ASTN2: variants seen among roughly 807,000 people sequenced by gnomAD.
ASTN2 encodes the protein astrotactin 2.
Under a neutral mutation model 139.8 loss-of-function variants are expected in ASTN2, and 54 were observed. The ratio of observed to expected loss-of-function variants is 0.39; its 90% CI spans 0.31 to 0.48. ASTN2 has a LOEUF of 0.48. Ranked by LOEUF, ASTN2 falls within the 20% of genes least tolerant of loss-of-function variation. The pLI is 0.95. For synonymous variants in ASTN2, 756 were observed against 719.5 expected (o/e 1.05, Z -0.81); for missense variants, 1,565 against 1,725.1 (o/e 0.91, Z 1.64).
Position 117,166,526 on chromosome 9 carries a change from G to A in ASTN2, c.1016-25048C>T, listed in dbSNP as rs1339829082. 1.1e-4 allele frequency among the ~76,000 whole-genome samples: 16 copies of A among 152,096 alleles called. 1 individual carries two copies. The highest frequency in any genetic ancestry group is 1.0e-3 in the Admixed American group (16 of 15,262). On this transcript the variant is annotated intron_variant, in intron 3 of 22. Transcript: ENST00000313400. ...TATAACAGCCTCTTCATCACTTGCT[G>A]CTATCTATTCCTTTGTGAAGCAAAA...
intron 11 of ASTN2, among the ~76,000 whole-genome samples, chr9:116,840,036 T>C (rs1404582134): frequency 6.7e-6 from 1 of 148,294 alleles, no homozygotes; most frequent in African/African-American, 2.5e-5. Flanking sequence ...TTCCACAGTG[T>C]TTGTGTCCCT....
chr9:117,384,865 G>A (rs1830357101), intron 1 of ASTN2, among the ~76,000 whole-genome samples: 1 of 152,174 alleles, frequency 6.6e-6, no homozygotes, highest in Non-Finnish European at 1.5e-5. Context: ...AGGGAGGATA[G>A]GTGGATGGCA....
At chr9:116,594,065 T>A (rs1269949184) in intron 19 of ASTN2, among the ~76,000 whole-genome samples, 2 of 152,184 alleles carry the variant, frequency 1.3e-5, no homozygotes, top group Non-Finnish European at 2.9e-5. Flanking sequence ...GGGACCTCTC[T>A]CAGCTCATAT....
chr9:116,671,293 CTT>C (rs958017161), intron 16 of ASTN2, among the ~76,000 whole-genome samples: 2 of 152,048 alleles, frequency 1.3e-5, no homozygotes, highest in African/African-American at 4.8e-5. Context: ...AAAACTGACT[CTT>C]TTAAAATGCT....
intron 2 of ASTN2, among the ~76,000 whole-genome samples, chr9:117,242,468 T>A (rs1332946325): frequency 6.6e-6 from 1 of 152,192 alleles, no homozygotes; most frequent in East Asian, 1.9e-4. Context: ...AACAGGGATA[T>A]GCTGGCTGGA....
intron 16 of ASTN2, among the ~76,000 whole-genome samples, chr9:116,656,370 A>G (rs1858211222): frequency 6.6e-6 from 1 of 152,180 alleles, no homozygotes; most frequent in Non-Finnish European, 1.5e-5. Context: ...TCAACAGATG[A>G]ATAGCTGAGC....
intron 10 of ASTN2, among the ~76,000 whole-genome samples, chr9:116,965,432 A>G (rs1200852399): frequency 6.6e-6 from 1 of 152,120 alleles, no homozygotes; most frequent in East Asian, 1.9e-4. Flanking sequence ...TCGAAAGGAG[A>G]CTCAGGGAAG....
chr9:116,501,210 G>A (rs1849841848), intron 19 of ASTN2, among the ~76,000 whole-genome samples: 1 of 152,188 alleles, frequency 6.6e-6, no homozygotes, highest in African/African-American at 2.4e-5. Flanking sequence ...AAGCACCAGT[G>A]GGGTGTTTGG....
chr9:116,639,615 G>T (rs1355079605), intron 17 of ASTN2, among the ~76,000 whole-genome samples: 2 of 152,180 alleles, frequency 1.3e-5, no homozygotes, highest in Non-Finnish European at 2.9e-5. Flanking sequence ...GCTCTTCCTG[G>T]AAGCCCAGCA....
chr9:117,284,239 G>A (rs962522978), intron 2 of ASTN2, among the ~76,000 whole-genome samples: 21 of 152,232 alleles, frequency 1.4e-4, no homozygotes, highest in African/African-American at 4.8e-4. Flanking sequence ...GAGTAGCTAG[G>A]ACCACAGGCT....
chr9:116,675,609 T>C (rs1358580066), intron 16 of ASTN2, among the ~76,000 whole-genome samples: 1 of 152,210 alleles, frequency 6.6e-6, no homozygotes, highest in East Asian at 1.9e-4. Context: ...TTGGAGTTCT[T>C]GATCAGGGAT....
intron 1 of ASTN2, among the ~76,000 whole-genome samples, chr9:117,387,617 T>C (rs1186823865): frequency 2.0e-5 from 3 of 152,056 alleles, no homozygotes; most frequent in Non-Finnish European, 4.4e-5. Flanking sequence ...TCAGCAGAGA[T>C]GGAAAAGCAA....
intron 11 of ASTN2, among the ~76,000 whole-genome samples, chr9:116,839,436 C>T (rs978192732): frequency 4.0e-5 from 6 of 151,852 alleles, no homozygotes; most frequent in African/African-American, 1.5e-4. Context: ...ATTGTGCAAC[C>T]AGCACCGTGA....
intron 5 of ASTN2, among the ~76,000 whole-genome samples, chr9:117,055,245 T>C (rs1386663568): frequency 1.3e-5 from 2 of 152,326 alleles, no homozygotes; most frequent in Middle Eastern, 3.4e-3. Flanking sequence ...TACCTAAAAG[T>C]GCCAGACATT....
chr9:116,564,726 C>G (rs1231471304), intron 19 of ASTN2, among the ~76,000 whole-genome samples: 1 of 152,052 alleles, frequency 6.6e-6, no homozygotes, highest in African/African-American at 2.4e-5. Flanking sequence ...TCCTTCATTA[C>G]TTCATTTATT....
intron 1 of ASTN2, among the ~76,000 whole-genome samples, chr9:117,364,393 G>T (rs533290238): frequency 3.0e-4 from 45 of 152,300 alleles, no homozygotes; most frequent in African/African-American, 5.8e-4. Context: ...CAGATGTAAG[G>T]TTAAAGAAAG....
intron 16 of ASTN2, among the ~76,000 whole-genome samples, chr9:116,657,046 G>A (rs1742821): frequency 0.57 from 86,926 of 151,996 alleles, 25,388 homozygotes; most frequent in East Asian, 0.87. Context: ...GGCCTCCCAG[G>A]AATTACTGAA....
intron 16 of ASTN2, among the ~76,000 whole-genome samples, chr9:116,701,667 C>T (rs1861175141): frequency 1.3e-5 from 2 of 152,124 alleles, no homozygotes; most frequent in Admixed American, 1.3e-4. Context: ...AGATCTCTAC[C>T]CATCTAAACC....
rs772742375 is a variant in ASTN2, at chr9:117,008,275, G to A, written c.1424-16C>T. ...AAGCTGCTTCCTATGGGTGAACGGA[G>A]AGACAGATACTTTCTTACTGATTTT... On this transcript the variant is annotated splice_polypyrimidine_tract_variant and intron_variant, in intron 6 of 22. Transcript: ENST00000313400. 6.4e-7 allele frequency: 1 copy of A among 1,571,240 alleles called. No homozygotes were observed. Among genetic ancestry groups the A allele is most frequent in the East Asian group, 2.3e-5 (1 of 43,004 alleles).
Sources: gnomAD v4.1 joint callset for allele counts (sites outside exome capture counted in the v4.1 genomes callset) on GRCh38, gnomAD v4.1.1 for gene constraint, MANE v1.5 for transcripts, NCBI Gene and HGNC (gene_info 2026-07-23, HGNC 2026-07-21) for gene names.